Variants in ZBTB48 observed in about 807,000 individuals in gnomAD.
ZBTB48 encodes zinc finger and BTB domain-containing protein 48.
ZBTB48 carries 35 observed loss-of-function variants against 64.5 expected under a neutral mutation model. The observed-to-expected ratio is 0.54, with a 90% CI of 0.41 to 0.72. The LOEUF (loss-of-function observed/expected upper bound fraction) is 0.72, where lower values mean the gene tolerates loss of function less well. Ranked by LOEUF, ZBTB48 falls within the 30% of genes least tolerant of loss-of-function variation. The probability of loss-of-function intolerance (pLI) is 0.00; values close to 1 mark genes in which losing one functional copy is unlikely to be tolerated. For missense variants in ZBTB48, 828 were observed against 895.3 expected (o/e 0.92, Z 0.96); for synonymous variants, 442 against 356.7 (o/e 1.24, Z -2.70).
rs1557819125 is a variant in ZBTB48 at position 6,582,249 on chromosome 1, C to A, written c.882C>A (p.Pro294=). 6.2e-7 allele frequency: 1 copy of A among 1,613,556 alleles called. No homozygotes were observed. The highest frequency in any genetic ancestry group is 8.5e-7 in the Non-Finnish European group (1 of 1,179,620). ...RKGTAVPVEC[P]TCHKKFLSKY... ...GTACAGCGGTGCCGGTCGAATGCCC[C>A]ACATGTCATAAAAAGTTCCTCAGCA... The change falls in exon 3 of 11, where the codon CCC becomes CCA. Residue 294 remains proline (P), a synonymous_variant. Transcript: ENST00000377674.
At chr1:6,582,033 C>T (rs373328272) in intron 2 of ZBTB48, 25 bp from the exon 3 acceptor site, 115 of 1,606,360 alleles carry the variant, frequency 7.2e-5, no homozygotes, top group Non-Finnish European at 9.4e-5. Flanking sequence ...GACGCCACCC[C>T]CTCCTGCTGC....
chr1:6,586,344 C>T, intron 4 of ZBTB48: 2 of 499,170 alleles, frequency 4.0e-6, no homozygotes, highest in East Asian at 6.7e-5. Context: ...GAAAGGCCCC[C>T]TGGCCACCCC....
rs770095540 is a variant in ZBTB48, at chr1:6,585,958, TG to T, written c.975del (p.Lys326SerfsTer18). The T allele has an allele frequency of 6.2e-7, 1 of 1,614,076 alleles. No individual in the cohort carries two copies. The stretch of plus-strand genomic sequence containing the variant: ...AGAAACCCTTTGAGTGTCCCAAATG[TG>T]GGAAGTGTTACTTTCGGAAGGAGAA... ...GEKPFECPKC[G>X]KCYFRKENLL... is the part of the protein sequence containing the mutation. On this transcript the variant is annotated frameshift_variant, in exon 4 of 11. Transcript: ENST00000377674. LOFTEE classifies it high-confidence loss of function.
At chr1:6,587,127 G>A (rs757171805) in intron 5 of ZBTB48, 78 bp from the exon 6 acceptor site, 2 of 1,491,080 alleles carry the variant, frequency 1.3e-6, no homozygotes, top group South Asian at 1.1e-5. Context: ...TCTAGTTCCT[G>A]CCCTATAGCC....
intron 7 of ZBTB48, among the ~76,000 whole-genome samples, 165 bp downstream of exon 7, chr1:6,587,797 CA>C (rs1640730309): frequency 1.3e-5 from 2 of 152,204 alleles, no homozygotes; most frequent in Admixed American, 6.5e-5. Flanking sequence ...ACCTGAGGGG[CA>C]AGCAGCTATG....
chr1:6,581,891 C>G (rs1640482561), intron 2 of ZBTB48, among the ~76,000 whole-genome samples, 167 bp from the exon 3 acceptor site: 1 of 152,194 alleles, frequency 6.6e-6, no homozygotes, highest in Non-Finnish European at 1.5e-5. Flanking sequence ...CAGCCACTTT[C>G]CTCTGAATCC....
intron 4 of ZBTB48, 143 bp downstream of exon 4, chr1:6,586,173 GT>G (rs2148692196): frequency 1.3e-6 from 1 of 799,476 alleles, no homozygotes; most frequent in South Asian, 1.6e-5. Context: ...ATGTCATGAG[GT>G]CCATGCCCTG....
Position 6,586,205 on chromosome 1 carries a change from C to T in ZBTB48, c.1044+175C>T, listed in dbSNP as rs1640661092. On this transcript the variant is annotated intron_variant, in intron 4 of 10. Coordinates refer to ENST00000377674, the MANE Select transcript of ZBTB48 (RefSeq NM_005341.4). ...CCCTGGTACAGGTGGGGACACAGGT[C>T]CTGAGGGCGGAAGGGACAGGCATAG... The T allele has an allele frequency of 4.4e-6, 3 of 678,296 alleles. No individual in the cohort carries two copies. The South Asian group carries it at 5.4e-5, about 12-fold the overall frequency. 42.0% of individuals were successfully genotyped at this position (678,296 alleles called of 1,614,324 possible). A position where few individuals can be genotyped will look rare whatever the true frequency, so the allele number is the denominator to read the frequency against.
Position 6,580,832 on chromosome 1 carries a change from C to T in ZBTB48, c.223C>T (p.Leu75Phe). Residue 75 changes from leucine (L) to phenylalanine (F), a missense_variant, in exon 2 of 11, where the codon CTC (leucine) becomes TTC (phenylalanine). Leu to Phe is a conservative substitution (Grantham distance 22). Transcript: ENST00000377674. This position sits in a 1 kb window ranked among gnomAD's most constrained non-coding sequence, Gnocchi z 5.2. ...TGCTGGCTTCGCTGAGATCTTTGGCCTCTTGTTGGACTTTTTCTACACTGG... is the reference window on the plus strand; with the variant it reads ...TGCTGGCTTCGCTGAGATCTTTGGCTTCTTGTTGGACTTTTTCTACACTGG... ...LPAGFAEIFG[L>F]LLDFFYTGHL... 2 of 1,614,202 alleles carry T rather than the reference C, an allele frequency of 1.2e-6. No individual in the cohort carries two copies. The highest frequency in any genetic ancestry group is 1.7e-6 in the Non-Finnish European group (2 of 1,180,032).
chr1:6,582,330 C>T (rs759197729), intron 3 of ZBTB48, 31 bp downstream of exon 3: 13 of 1,598,534 alleles, frequency 8.1e-6, no homozygotes, highest in Non-Finnish European at 1.1e-5. Context: ...TTTTCTTTTC[C>T]TGTCTGCCAT....
At chr1:6,587,370 C>T in intron 6 of ZBTB48, 79 bp downstream of exon 6, 1 of 1,609,930 alleles carries the variant, frequency 6.2e-7, no homozygotes, top group South Asian at 1.1e-5. Context: ...GGCAGCCGGC[C>T]ATGTACTTTC....
intron 3 of ZBTB48, 147 bp downstream of exon 3, chr1:6,582,446 A>T: frequency 8.9e-7 from 1 of 1,121,462 alleles, no homozygotes; most frequent in African/African-American, 1.6e-5. Flanking sequence ...CACCTCTGAT[A>T]ATCAGGAAGT....
chr1:6,581,271 G>A lies in ZBTB48; in HGVS notation c.662G>A (p.Gly221Asp). ...KVPPRPLEAE[G>D]AQLQGGSNEW... ...CCCCCAAGGCCCTTAGAGGCTGAAG[G>A]TGCCCAGCTGCAGGGCGGCAGTAAT... The change falls in exon 2 of 11, where the codon GGT becomes GAT. Residue 221 changes from glycine (G) to aspartate (D), a missense_variant. Gly to Asp is a moderately conservative substitution (Grantham distance 94). Transcript: ENST00000377674. 1 of 1,607,382 alleles carries A rather than the reference G, an allele frequency of 6.2e-7. No homozygotes were observed. Among genetic ancestry groups the A allele is most frequent in the Non-Finnish European group, 8.5e-7 (1 of 1,177,230 alleles).
rs199536973 is a variant in ZBTB48 at position 6,587,645 on chromosome 1, C to T, written c.1379+13C>T. The T allele has an allele frequency of 2.4e-5, 38 of 1,611,814 alleles. No individual in the cohort carries two copies. Among genetic ancestry groups the T allele is most frequent in the Admixed American group, 8.3e-5 (5 of 60,020 alleles). ...AGGCCAAGCACAGGTGCGTGTCGCCCGTTCTCTCTTGGGGCCCAGTCCTGC... is the reference window on the plus strand; with the variant it reads ...AGGCCAAGCACAGGTGCGTGTCGCCTGTTCTCTCTTGGGGCCCAGTCCTGC... On this transcript the variant is annotated intron_variant, in intron 7 of 10. Coordinates refer to ENST00000377674, the MANE Select transcript of ZBTB48 (RefSeq NM_005341.4).
At position 6,588,145 on chromosome 1, in the gene ZBTB48, G is replaced by A; in HGVS notation, c.1465G>A (p.Gly489Ser). Residue 489 changes from glycine (G) to serine (S), a missense_variant, in exon 8 of 11, where the codon GGT becomes AGT. Coordinates refer to ENST00000377674, the MANE Select transcript of ZBTB48 (RefSeq NM_005341.4). ...NLNMHLRTHTGEKPFQCHLCG... is the reference protein window; with the variant it reads ...NLNMHLRTHTSEKPFQCHLCG... The stretch of plus-strand genomic sequence containing the variant: ...CAACATGCACCTGCGCACACACACG[G>A]GTGAGAAGCCCTTCCAGTGCCACCT... 1.9e-6 allele frequency: 3 copies of A among 1,614,156 alleles called. No individual in the cohort carries two copies. Among genetic ancestry groups the A allele is most frequent in the Non-Finnish European group, 1.7e-6 (2 of 1,180,040 alleles).
At position 6,588,193 on chromosome 1, in the gene ZBTB48, C is replaced by G. The variant is rs1436827453; in HGVS notation, c.1513C>G (p.Gln505Glu). Residue 505 changes from glutamine (Q) to glutamate (E), a missense_variant, in exon 8 of 11, where the codon CAA becomes GAA. Transcript: ENST00000377674. ...CCTCTGTGGCAAGACCTTCCGAACC[C>G]AAGGTGAGGTACGCCCTGCCCCTCC... Reference protein sequence around the residue: ...CHLCGKTFRTQASLDKHNRTH... With the variant: ...CHLCGKTFRTEASLDKHNRTH... The G allele has an allele frequency of 1.2e-6, 2 of 1,613,942 alleles. No homozygotes were observed. Among genetic ancestry groups the G allele is most frequent in the African/African-American group, 1.3e-5 (1 of 74,940 alleles).
In ZBTB48 at chr1:6,586,749, G is replaced by A. The variant is rs1167418546; in HGVS notation, c.1099G>A (p.Val367Met). Residue 367 changes from valine to methionine, a missense_variant, in exon 5 of 11, where the codon GTG (valine) becomes ATG (methionine). Physicochemically the swap from Val to Met is conservative, Grantham distance 21 (BLOSUM62 1). Transcript: ENST00000377674. ...ETFRRRMELR[V>M]HMVSHTGEMP... ...ATTCCGCCGAAGGATGGAGCTGCGG[G>A]TGCACATGGTGTCTCACACAGGGGA... 17 of 1,597,338 alleles carry A rather than the reference G, an allele frequency of 1.1e-5. No homozygotes were observed. The highest frequency in any genetic ancestry group is 1.5e-5 in the Non-Finnish European group (17 of 1,170,086).
intron 7 of ZBTB48, 86 bp downstream of exon 7, chr1:6,587,718 T>C: frequency 1.3e-6 from 2 of 1,560,718 alleles, no homozygotes; most frequent in South Asian, 2.4e-5. Flanking sequence ...TTGCTGACTT[T>C]TACACAGATG....
intron 7 of ZBTB48, 134 bp downstream of exon 7, chr1:6,587,766 C>T: frequency 4.2e-6 from 6 of 1,426,292 alleles, no homozygotes; most frequent in Non-Finnish European, 5.6e-6. Flanking sequence ...CTAGTGCCTA[C>T]AGCCTCTCTG....
Sources: allele counts gnomAD v4.1 joint callset (sites outside exome capture counted in the v4.1 genomes callset), GRCh38; gene constraint gnomAD v4.1.1; non-coding constraint Gnocchi (gnomAD v3.1); transcripts MANE v1.5; gene names NCBI Gene and HGNC (gene_info 2026-07-23, HGNC 2026-07-21).